The following CFAP58 variants were observed in gnomAD, a reference collection of about 807,000 sequenced individuals.
CFAP58 encodes the protein cilia- and flagella-associated protein 58.
CFAP58 carries 88 observed loss-of-function variants against 119.5 expected under a neutral mutation model. That is an observed-to-expected ratio of 0.74 (90% CI 0.62 to 0.88). The LOEUF (loss-of-function observed/expected upper bound fraction) is 0.88. Ranked by LOEUF, CFAP58 falls within the 40% of genes least tolerant of loss-of-function variation. The probability of loss-of-function intolerance (pLI) is 0.00; values close to 1 mark genes in which losing one functional copy is unlikely to be tolerated. For missense variants in CFAP58, 990 were observed against 1,021.2 expected (o/e 0.97, Z 0.42); for synonymous variants, 365 against 366.3 (o/e 1.00, Z 0.04).
Position 104,395,755 on chromosome 10 carries a change from A to G in CFAP58, c.1674+2280A>G, listed in dbSNP as rs144852599. On this transcript the variant is annotated intron_variant, in intron 11 of 17. Transcript: ENST00000369704. ...TTTTCTAGTAACTTTGCTCCAAGAG[A>G]CATTTATCTCATTATTGCGAGTTGT... Among the ~76,000 whole-genome samples, 65 of 152,280 alleles carry G rather than the reference A, an allele frequency of 4.3e-4. 1 individual carries two copies. The East Asian group carries it at 0.012, about 29-fold the overall frequency.
chr10:104,415,246 G>T (rs1353212332), intron 15 of CFAP58, among the ~76,000 whole-genome samples: 1 of 152,148 alleles, frequency 6.6e-6, no homozygotes, highest in Admixed American at 6.5e-5. Flanking sequence ...GTTGCAGGAA[G>T]CTGGAGTCGG....
At chr10:104,429,558 G>A (rs72825902) in intron 15 of CFAP58, among the ~76,000 whole-genome samples, 5 of 152,254 alleles carry the variant, frequency 3.3e-5, no homozygotes, top group Non-Finnish European at 5.9e-5. Flanking sequence ...GTTAGTAAGC[G>A]TCACTTCTGA....
rs200876726 is a variant in CFAP58 at position 104,381,979 on chromosome 10, G to A, written c.1365+1759G>A. ...CCCTGGTATTATCGAGCTTGGACTCGCACGTTAGCTTCTGTATTCATCAGT... is the reference window on the plus strand; with the variant it reads ...CCCTGGTATTATCGAGCTTGGACTCACACGTTAGCTTCTGTATTCATCAGT... On this transcript the variant is annotated intron_variant, in intron 9 of 17. Transcript: ENST00000369704. The A allele has an allele frequency of 1.4e-4, 85 of 608,614 alleles. No homozygotes were observed. The East Asian group carries it at 2.1e-3, about 15-fold the overall frequency. The allele number at this position is 608,614 out of a possible 1,614,324, so 37.7% of individuals were successfully genotyped here. A position where few individuals can be genotyped will look rare whatever the true frequency, so the allele number is the denominator to read the frequency against.
At position 104,364,821 on chromosome 10, in the gene CFAP58, G is replaced by C. The variant is rs376842731; in HGVS notation, c.529G>C (p.Ala177Pro). The C allele has an allele frequency of 8.2e-5, 132 of 1,612,846 alleles. No homozygotes were observed. Among genetic ancestry groups the C allele is most frequent in the Non-Finnish European group, 1.1e-4 (130 of 1,179,592 alleles). The change falls in exon 4 of 18, where the codon GCT becomes CCT. Residue 177 changes from alanine to proline, a missense_variant. Coordinates refer to ENST00000369704, the MANE Select transcript of CFAP58 (RefSeq NM_001008723.2). ...AGTGGTAAAATTACGAGAATCCCTA[G>C]CTCAGACCACTGAACAGCAGCAGGA... ...SEVVKLRESLAQTTEQQQETE... is the reference protein window; with the variant it reads ...SEVVKLRESLPQTTEQQQETE...
Position 104,353,917 on chromosome 10 carries a change from AGC to A in CFAP58, c.9+14_9+15del, listed in dbSNP as rs1342463385. The stretch of plus-strand genomic sequence containing the variant: ...ATCAGGATGGCTGAGGTCAGGAGTC[AGC>A]GCCCCTCTGTCGCCTTTCCCTTGAC... On this transcript the variant is annotated intron_variant, in intron 1 of 17. Transcript: ENST00000369704. The A allele has an allele frequency of 1.9e-6, 3 of 1,613,380 alleles. No individual in the cohort carries two copies. The highest frequency in any genetic ancestry group is 1.3e-5 in the African/African-American group (1 of 75,016).
chr10:104,343,117 C>T, the CFAP58 span, among the ~76,000 whole-genome samples: 1 of 152,156 alleles, frequency 6.6e-6, no homozygotes, highest in Admixed American at 6.5e-5. Flanking sequence ...TTTCCCACTA[C>T]CCTGATTTCA....
chr10:104,428,827 C>T (rs1043754622), intron 15 of CFAP58, among the ~76,000 whole-genome samples: 7 of 152,242 alleles, frequency 4.6e-5, no homozygotes, highest in Admixed American at 2.0e-4. Context: ...TGATGACTTG[C>T]GATGGAGGTT....
At chr10:104,358,733 AT>A in intron 2 of CFAP58, 111 bp downstream of exon 2, 1 of 959,988 alleles carries the variant, frequency 1.0e-6, no homozygotes, top group Non-Finnish European at 1.5e-6. Flanking sequence ...AATTTACATG[AT>A]TTTATATTCA....
intron 15 of CFAP58, among the ~76,000 whole-genome samples, chr10:104,441,486 C>T (rs1023435637): frequency 8.5e-5 from 13 of 152,178 alleles, no homozygotes; most frequent in Non-Finnish European, 5.9e-5. Flanking sequence ...GGAAAGCAAG[C>T]AAACAGCCTT....
At chr10:104,379,200 C>T (rs1032059489) in intron 8 of CFAP58, among the ~76,000 whole-genome samples, 17 of 152,026 alleles carry the variant, frequency 1.1e-4, no homozygotes, top group Admixed American at 5.9e-4. Context: ...CTGGCAACTA[C>T]GAATCTTCTT....
At chr10:104,359,137 A>T (rs1340622182) in intron 2 of CFAP58, among the ~76,000 whole-genome samples, 1 of 152,154 alleles carries the variant, frequency 6.6e-6, no homozygotes, top group Non-Finnish European at 1.5e-5. Flanking sequence ...GATACTGAGG[A>T]TGTATTGCTT....
intron 2 of CFAP58, among the ~76,000 whole-genome samples, chr10:104,360,359 C>A (rs1386381180): frequency 6.6e-6 from 1 of 151,946 alleles, no homozygotes; most frequent in Admixed American, 6.6e-5. Flanking sequence ...ATAACACTGG[C>A]ATCTGCTCAG....
Position 104,454,567 on chromosome 10 carries a change from T to C in CFAP58, c.*37T>C, listed in dbSNP as rs1426760132. 9.6e-6 allele frequency: 14 copies of C among 1,457,324 alleles called. No homozygotes were observed. Among genetic ancestry groups the C allele is most frequent in the Non-Finnish European group, 1.3e-5 (14 of 1,037,840 alleles). 90.3% of individuals were successfully genotyped at this position (1,457,324 alleles called of 1,614,324 possible). ...TGGCTGTTTCCAGTTGAACAACTCA[T>C]GAAATCTGCTCTGGGACATTTTGGG... On this transcript the variant is annotated 3_prime_UTR_variant, in exon 18 of 18. Transcript: ENST00000369704.
intron 15 of CFAP58, among the ~76,000 whole-genome samples, chr10:104,442,587 C>CAA (rs1210585369): frequency 3.0e-5 from 2 of 65,574 alleles, no homozygotes; most frequent in Non-Finnish European, 3.2e-5. Flanking sequence ...GACTCCATTT[C>CAA]AAAAAAAAAA....
At chr10:104,370,584 C>T (rs987998399) in intron 6 of CFAP58, among the ~76,000 whole-genome samples, 5 of 152,264 alleles carry the variant, frequency 3.3e-5, no homozygotes, top group Non-Finnish European at 5.9e-5. Flanking sequence ...TCCCACAACA[C>T]GTGGGAATTC....
chr10:104,354,317 A>G (rs1282196754), intron 1 of CFAP58, among the ~76,000 whole-genome samples: 1 of 152,012 alleles, frequency 6.6e-6, no homozygotes, highest in African/African-American at 2.4e-5. Flanking sequence ...ATCCCAATCA[A>G]TGGCCCTTGT....
At chr10:104,358,668 A>C in intron 2 of CFAP58, 46 bp downstream of exon 2, 3 of 1,563,594 alleles carry the variant, frequency 1.9e-6, no homozygotes, top group Non-Finnish European at 8.7e-7. Context: ...TTAAAACATC[A>C]TTCTCTCATT....
intron 1 of CFAP58, among the ~76,000 whole-genome samples, chr10:104,358,124 CTT>C (rs1405595814): frequency 6.0e-5 from 9 of 149,914 alleles, no homozygotes; most frequent in Non-Finnish European, 8.9e-5. Flanking sequence ...TATATATGTA[CTT>C]ATATATACAC....
intron 7 of CFAP58, among the ~76,000 whole-genome samples, chr10:104,372,051 C>G (rs759955774): frequency 6.6e-6 from 1 of 152,102 alleles, no homozygotes; most frequent in Non-Finnish European, 1.5e-5. Flanking sequence ...TAGTGAGACT[C>G]TGTCTTAAAA....
Sources: allele counts gnomAD v4.1 joint callset (sites outside exome capture counted in the v4.1 genomes callset), GRCh38; gene constraint gnomAD v4.1.1; transcripts MANE v1.5; gene names NCBI Gene and HGNC (gene_info 2026-07-23, HGNC 2026-07-21).